TTC28: variants seen among roughly 807,000 people sequenced by gnomAD.
The protein encoded by TTC28 is tetratricopeptide repeat protein 28.
A neutral mutation model predicts 198.0 loss-of-function variants in TTC28; 61 were observed. The ratio of observed to expected loss-of-function variants is 0.31; its 90% CI spans 0.25 to 0.38. The LOEUF is 0.38. Among genes scored for constraint, TTC28 ranks in the 10% least tolerant of loss-of-function variants. The pLI is 1.00. For missense variants in TTC28, 2,678 were observed against 3,164.0 expected, an observed-to-expected ratio of 0.85 and a Z score of 3.69; for synonymous variants, 1,171 against 1,297.8, an observed-to-expected ratio of 0.90 and a Z score of 2.10.
intron 2 of TTC28, among the ~76,000 whole-genome samples, chr22:28,588,169 CAAAA>C (rs1194057378): frequency 1.3e-5 from 2 of 150,072 alleles, no homozygotes; most frequent in East Asian, 3.9e-4. Flanking sequence ...AACAAACAAA[CAAAA>C]AACAAAACAT....
At chr22:28,539,922 G>A (rs2049374863) in intron 2 of TTC28, among the ~76,000 whole-genome samples, 1 of 150,724 alleles carries the variant, frequency 6.6e-6, no homozygotes, top group South Asian at 2.1e-4. Flanking sequence ...CTACTTCTGG[G>A]GAGGCCTCAG....
At chr22:28,573,020 G>A (rs1175798494) in intron 2 of TTC28, among the ~76,000 whole-genome samples, 1 of 151,994 alleles carries the variant, frequency 6.6e-6, no homozygotes, top group African/African-American at 2.4e-5. Flanking sequence ...TACTTGGGAG[G>A]CTGAGGTGGG....
intron 2 of TTC28, among the ~76,000 whole-genome samples, chr22:28,614,804 T>A (rs2050874689): frequency 6.6e-6 from 1 of 152,138 alleles, no homozygotes. Flanking sequence ...CAAGATGGAT[T>A]AAAGACTTAA....
intron 2 of TTC28, among the ~76,000 whole-genome samples, chr22:28,393,687 C>T (rs1249355165): frequency 6.6e-6 from 1 of 152,102 alleles, no homozygotes; most frequent in African/African-American, 2.4e-5. Flanking sequence ...GAGGGAGACC[C>T]TGTCTTAAAA....
chr22:28,603,266 A>C (rs2050671416), intron 2 of TTC28, among the ~76,000 whole-genome samples: 1 of 152,242 alleles, frequency 6.6e-6, no homozygotes, highest in East Asian at 1.9e-4. Flanking sequence ...AGAAAAAAGA[A>C]GAAATAATAT....
chr22:28,280,299 T>A (rs2044559459), intron 5 of TTC28, among the ~76,000 whole-genome samples: 2 of 151,834 alleles, frequency 1.3e-5, no homozygotes, highest in South Asian at 2.1e-4. Flanking sequence ...TACGCATTTT[T>A]AAAAAATTAA....
intron 2 of TTC28, among the ~76,000 whole-genome samples, chr22:28,352,695 G>A (rs918259262): frequency 1.3e-5 from 2 of 152,010 alleles, no homozygotes; most frequent in Non-Finnish European, 2.9e-5. Context: ...TGAGCCACCT[G>A]AATAAAACCA....
chr22:28,540,535 G>A (rs1177773585), intron 2 of TTC28, among the ~76,000 whole-genome samples: 1 of 152,136 alleles, frequency 6.6e-6, no homozygotes, highest in Non-Finnish European at 1.5e-5. Context: ...AACACTGTTA[G>A]AGTATACAAT....
rs1418792407 is a variant in TTC28 at position 27,996,264 on chromosome 22, A to G, written c.5120-5T>C. On this transcript the variant is annotated splice_polypyrimidine_tract_variant and splice_region_variant and intron_variant, in intron 16 of 22. Transcript: ENST00000397906. The stretch of plus-strand genomic sequence containing the variant: ...CACTCCCGATGAGCATGAACCCTGC[A>G]GAAAGCAAAGGAGGGCACCTCAGCA... The G allele has an allele frequency of 3.9e-6, 6 of 1,550,372 alleles. No homozygotes were observed. The highest frequency in any genetic ancestry group is 5.2e-6 in the Non-Finnish European group (6 of 1,146,836).
chr22:28,374,680 G>A (rs563914107), intron 2 of TTC28, among the ~76,000 whole-genome samples: 1 of 151,866 alleles, frequency 6.6e-6, no homozygotes, highest in Admixed American at 6.6e-5. Context: ...TAAGTTTTTT[G>A]TTTGTTTGTT....
intron 2 of TTC28, among the ~76,000 whole-genome samples, chr22:28,540,045 C>G (rs141194894): frequency 6.7e-6 from 1 of 150,310 alleles, no homozygotes; most frequent in Non-Finnish European, 1.5e-5. Context: ...CCTGGGTTCA[C>G]GCCATTCTCC....
At chr22:28,449,760 C>G (rs1249534604) in intron 2 of TTC28, among the ~76,000 whole-genome samples, 1 of 152,036 alleles carries the variant, frequency 6.6e-6, no homozygotes, top group Non-Finnish European at 1.5e-5. Context: ...GACAGGAAGG[C>G]CAAATAAGTT....
intron 12 of TTC28, among the ~76,000 whole-genome samples, chr22:28,087,677 G>T (rs2146834753): frequency 6.6e-6 from 1 of 152,264 alleles, no homozygotes; most frequent in Non-Finnish European, 1.5e-5. Context: ...TCAGGCAGGA[G>T]AAGGAAATAA....
intron 5 of TTC28, among the ~76,000 whole-genome samples, chr22:28,262,342 C>T (rs1485954620): frequency 1.3e-5 from 2 of 152,164 alleles, no homozygotes; most frequent in Admixed American, 6.6e-5. Context: ...ATCTCAGCTA[C>T]TGACTTTATA....
intron 2 of TTC28, among the ~76,000 whole-genome samples, chr22:28,528,620 G>A (rs975964045): frequency 1.8e-4 from 27 of 150,528 alleles, no homozygotes; most frequent in Admixed American, 4.0e-4. Context: ...CTTGTAGTCC[G>A]AGCTACTCGG....
At chr22:28,276,449 T>C (rs1932438753) in intron 5 of TTC28, among the ~76,000 whole-genome samples, 1 of 152,182 alleles carries the variant, frequency 6.6e-6, no homozygotes, top group Non-Finnish European at 1.5e-5. Context: ...AGGAGAAAGA[T>C]GGATCTGAAT....
intron 2 of TTC28, among the ~76,000 whole-genome samples, chr22:28,485,102 T>A (rs2048299933): frequency 6.6e-6 from 1 of 152,228 alleles, no homozygotes; most frequent in African/African-American, 2.4e-5. Context: ...AATATTTCTA[T>A]AATCTACATA....
At chr22:28,530,018 G>C (rs1163466545) in intron 2 of TTC28, among the ~76,000 whole-genome samples, 5 of 152,242 alleles carry the variant, frequency 3.3e-5, no homozygotes, top group Admixed American at 3.3e-4. Flanking sequence ...AAGGAACGAA[G>C]CTCCTCGCCA....
rs141919084 is a variant in TTC28, at chr22:28,072,187, G to A, written c.3932+21893C>T. On this transcript the variant is annotated intron_variant, in intron 12 of 22. Transcript: ENST00000397906. The stretch of plus-strand genomic sequence containing the variant: ...GCATGTTATCACTGAGTCATGCTTT[G>A]TCATGTAGATGATTACAGGCTAACC... Among the ~76,000 whole-genome samples the A allele has an allele frequency of 3.3e-3, 502 of 152,322 alleles. 2 individuals are homozygous for A. The highest frequency in any genetic ancestry group is 0.012 in the African/African-American group (488 of 41,578).
Sources: gnomAD v4.1 joint callset for allele counts (sites outside exome capture counted in the v4.1 genomes callset) on GRCh38, gnomAD v4.1.1 for gene constraint, MANE v1.5 for transcripts, NCBI Gene and HGNC (gene_info 2026-07-23, HGNC 2026-07-21) for gene names.